The following ZNF804A variants were observed in gnomAD, a reference collection of about 807,000 sequenced individuals.
The protein encoded by ZNF804A is zinc finger protein 804A.
Under a neutral mutation model 16.5 loss-of-function variants are expected in ZNF804A, and 2 were observed. The observed-to-expected ratio is 0.12, with a 90% CI of 0.05 to 0.38. ZNF804A has a LOEUF of 0.38. Among genes scored for constraint, ZNF804A ranks in the 10% least tolerant of loss-of-function variants. ZNF804A has a pLI of 0.99. For synonymous variants in ZNF804A, 534 were observed against 489.6 expected (o/e 1.09, Z -1.20); for missense variants, 1,473 against 1,390.7 (o/e 1.06, Z -0.94).
intron 1 of ZNF804A, among the ~76,000 whole-genome samples, chr2:184,823,396 G>A (rs549931818): frequency 6.6e-5 from 10 of 152,054 alleles, no homozygotes; most frequent in South Asian, 2.1e-4. Context: ...AAACCATAGC[G>A]ATCATAGAAG....
chr2:184,773,604 A>G (rs1694248532), intron 1 of ZNF804A, among the ~76,000 whole-genome samples: 1 of 151,982 alleles, frequency 6.6e-6, no homozygotes, highest in African/African-American at 2.4e-5. Context: ...CTAAGCTATG[A>G]GGATGCAAAG....
intron 1 of ZNF804A, among the ~76,000 whole-genome samples, chr2:184,725,229 A>G (rs1693388160): frequency 6.6e-6 from 1 of 151,672 alleles, no homozygotes; most frequent in Non-Finnish European, 1.5e-5. Context: ...CTGTAAGTAT[A>G]CATAGAGAGT....
intron 1 of ZNF804A, among the ~76,000 whole-genome samples, chr2:184,827,002 A>G (rs949142345): frequency 6.6e-6 from 1 of 151,834 alleles, no homozygotes; most frequent in Non-Finnish European, 1.5e-5. Context: ...AATCTTGGTC[A>G]TATATTTTTG....
chr2:184,699,165 A>G (rs1692882173), intron 1 of ZNF804A, among the ~76,000 whole-genome samples: 1 of 152,164 alleles, frequency 6.6e-6, no homozygotes, highest in African/African-American at 2.4e-5. Context: ...GGCTATGTTT[A>G]TAATTGGCAA....
intron 2 of ZNF804A, among the ~76,000 whole-genome samples, chr2:184,922,230 G>T (rs529374557): frequency 1.3e-5 from 2 of 152,048 alleles, no homozygotes; most frequent in East Asian, 3.9e-4. Flanking sequence ...AGTGTACAAG[G>T]GTTCCTTTTC....
At chr2:184,727,120 A>T (rs1693426467) in intron 1 of ZNF804A, among the ~76,000 whole-genome samples, 1 of 151,562 alleles carries the variant, frequency 6.6e-6, no homozygotes, top group Non-Finnish European at 1.5e-5. Context: ...TTCAGAACAT[A>T]TGTTAGCATT....
chr2:184,736,534 TG>T (rs1693616156), intron 1 of ZNF804A, among the ~76,000 whole-genome samples: 1 of 151,856 alleles, frequency 6.6e-6, no homozygotes. Context: ...AGTTCAACGA[TG>T]GGAACACATG....
intron 2 of ZNF804A, among the ~76,000 whole-genome samples, chr2:184,897,373 A>G (rs912673770): frequency 2.7e-5 from 4 of 148,380 alleles, no homozygotes; most frequent in Non-Finnish European, 4.5e-5. Context: ...GCAATTAGTT[A>G]CTGTTTTTTT....
chr2:184,625,786 T>C (rs936221110), intron 1 of ZNF804A, among the ~76,000 whole-genome samples: 2 of 152,328 alleles, frequency 1.3e-5, no homozygotes, highest in East Asian at 3.9e-4. Context: ...AATAGATGTT[T>C]TGAACACAAT....
At chr2:184,841,717 T>A (rs963887453) in intron 1 of ZNF804A, among the ~76,000 whole-genome samples, 2 of 152,192 alleles carry the variant, frequency 1.3e-5, no homozygotes, top group Non-Finnish European at 2.9e-5. Flanking sequence ...ATTTACATTT[T>A]AAAAAATACT....
chr2:184,700,121 A>AAT (rs1692896670), intron 1 of ZNF804A, among the ~76,000 whole-genome samples: 1 of 152,104 alleles, frequency 6.6e-6, no homozygotes, highest in South Asian at 2.1e-4. Flanking sequence ...ATATTATAAG[A>AAT]ATAACATTAA....
At chr2:184,845,203 C>A (rs777998843) in intron 1 of ZNF804A, among the ~76,000 whole-genome samples, 46 of 152,064 alleles carry the variant, frequency 3.0e-4, no homozygotes, top group Non-Finnish European at 5.6e-4. Flanking sequence ...TGTGTAATGT[C>A]TGAGCCTTGT....
chr2:184,633,730 T>C (rs1253095829), intron 1 of ZNF804A, among the ~76,000 whole-genome samples: 1 of 152,202 alleles, frequency 6.6e-6, no homozygotes, highest in East Asian at 1.9e-4. Context: ...AAACATAAAA[T>C]ATGTAAATCA....
intron 1 of ZNF804A, among the ~76,000 whole-genome samples, chr2:184,699,989 C>T (rs1692894570): frequency 6.6e-6 from 1 of 152,038 alleles, no homozygotes; most frequent in African/African-American, 2.4e-5. Context: ...AAGAGCAGTG[C>T]AAGAGAGAAG....
At chr2:184,858,168 A>T (rs967384237) in intron 1 of ZNF804A, among the ~76,000 whole-genome samples, 9 of 151,930 alleles carry the variant, frequency 5.9e-5, no homozygotes, top group Non-Finnish European at 1.0e-4. Flanking sequence ...TAAAACTTAA[A>T]ATATATATAT....
At chr2:184,718,911 C>G (rs999583384) in intron 1 of ZNF804A, among the ~76,000 whole-genome samples, 1 of 152,070 alleles carries the variant, frequency 6.6e-6, no homozygotes, top group Admixed American at 6.6e-5. Flanking sequence ...AGGCGGTGCC[C>G]CAGTGGGGAT....
intron 1 of ZNF804A, among the ~76,000 whole-genome samples, chr2:184,770,780 TAGAAACC>T (rs954827900): frequency 1.3e-5 from 2 of 152,040 alleles, no homozygotes; most frequent in African/African-American, 4.8e-5. Flanking sequence ...AAAAGATATA[TAGAAACC>T]CAAATTTTTG....
intron 1 of ZNF804A, among the ~76,000 whole-genome samples, chr2:184,610,327 TA>T (rs1252560004): frequency 2.0e-5 from 3 of 152,192 alleles, no homozygotes; most frequent in Non-Finnish European, 4.4e-5. Flanking sequence ...GAGAACAGAC[TA>T]AGACATCAGA....
intron 1 of ZNF804A, among the ~76,000 whole-genome samples, chr2:184,613,508 A>T (rs564360738): frequency 6.6e-6 from 1 of 152,370 alleles, no homozygotes; most frequent in Admixed American, 6.5e-5. Flanking sequence ...TCATGTTAGT[A>T]AGATTTGGCA....
Sources: gnomAD v4.1 joint callset for allele counts (sites outside exome capture counted in the v4.1 genomes callset) on GRCh38, gnomAD v4.1.1 for gene constraint, MANE v1.5 for transcripts, NCBI Gene and HGNC (gene_info 2026-07-23, HGNC 2026-07-21) for gene names.